The following CFAP157 variants were observed in gnomAD, a reference collection of about 807,000 sequenced individuals.
CFAP157 encodes the protein cilia- and flagella-associated protein 157.
Under a neutral mutation model 57.8 loss-of-function variants are expected in CFAP157, and 43 were observed. That is an observed-to-expected ratio of 0.74 (90% CI 0.58 to 0.96). The LOEUF (loss-of-function observed/expected upper bound fraction) is 0.96, where lower values mean the gene tolerates loss of function less well. CFAP157 is among the 40% of genes least tolerant of loss of function. The pLI is 0.00. For missense variants in CFAP157, 606 were observed against 655.3 expected (o/e 0.92, Z 0.82); for synonymous variants, 267 against 269.0 (o/e 0.99, Z 0.07).
rs1017610892 is a variant in CFAP157 at position 127,714,292 on chromosome 9, A to G, written c.*387A>G. 1 of 1,613,950 alleles carries G rather than the reference A, an allele frequency of 6.2e-7. No homozygotes were observed. Among genetic ancestry groups the G allele is most frequent in the South Asian group, 1.1e-5 (1 of 91,078 alleles). ...GCAGCCTTGGCATTGCCTGTGGGAG[A>G]GCCAGAGAGGCCCAGGAAGCTTTGG... is the stretch of plus-strand genomic sequence containing the variant. On this transcript the variant is annotated 3_prime_UTR_variant, in exon 9 of 9. Coordinates refer to ENST00000373295, the MANE Select transcript of CFAP157 (RefSeq NM_001012502.3).
chr9:127,711,576 A>G (rs2131590269), intron 4 of CFAP157, 80 bp downstream of exon 4: 1 of 1,529,356 alleles, frequency 6.5e-7, no homozygotes. Context: ...GGGTAGAGTC[A>G]GGGGCAGTCA....
At chr9:127,712,915 G>A (rs763615745) in intron 7 of CFAP157, 40 bp downstream of exon 7, 8 of 1,594,228 alleles carry the variant, frequency 5.0e-6, no homozygotes, top group South Asian at 1.1e-5. Context: ...GGCAGCCACA[G>A]AGAGCAGGGC....
rs1842705869 is a variant in CFAP157, at chr9:127,709,029, C to T, written c.162-393C>T. ...ACAAACTCAGAGTTCCTTTATCCTTCTGAGCCTCAGTTTCCTCATCTGTCA... is the reference window on the plus strand; with the variant it reads ...ACAAACTCAGAGTTCCTTTATCCTTTTGAGCCTCAGTTTCCTCATCTGTCA... On this transcript the variant is annotated intron_variant, in intron 1 of 8. Transcript: ENST00000373295. This position sits in a 1 kb window ranked among gnomAD's most constrained non-coding sequence, Gnocchi z 4.7. Among the ~76,000 whole-genome samples, 1 of 152,218 alleles carries T rather than the reference C, an allele frequency of 6.6e-6. No homozygotes were observed.
Position 127,714,012 on chromosome 9 carries a change from A to C in CFAP157, c.*107A>C. ...CAGTCTAGAGGAGATTTGTATAAAA[A>C]GTAGATACCAAGGCTGGCGTGGCAG... On this transcript the variant is annotated 3_prime_UTR_variant, in exon 9 of 9. Transcript: ENST00000373295. The C allele has an allele frequency of 6.3e-7, 1 of 1,582,692 alleles. No individual in the cohort carries two copies. Among genetic ancestry groups the C allele is most frequent in the Non-Finnish European group, 8.7e-7 (1 of 1,153,572 alleles).
In CFAP157 at chr9:127,709,390, AC is replaced by A; in HGVS notation, c.162-28del. On this transcript the variant is annotated intron_variant, in intron 1 of 8. Transcript: ENST00000373295. The surrounding 1 kb of genome is among the most constrained non-coding windows in gnomAD (Gnocchi z 4.7). ...CCAGAGGCCTGGCTTGCCCAGCCTG[AC>A]CCCTGGACCACGGCTCTGCCCCTGC... 1 of 1,603,394 alleles carries A rather than the reference AC, an allele frequency of 6.2e-7. No homozygotes were observed. Among genetic ancestry groups the A allele is most frequent in the South Asian group, 1.1e-5 (1 of 90,056 alleles).
rs780174238 is a variant in CFAP157 at position 127,711,450 on chromosome 9, A to C, written c.809A>C (p.Glu270Ala). The C allele has an allele frequency of 1.9e-5, 31 of 1,614,034 alleles. No individual in the cohort carries two copies. In the African/African-American group the frequency reaches 3.6e-4, roughly 19 times the overall value. Reference sequence around the variant, plus strand: ...CTGTGCAAACAGCTGGAGCTGCTGGAGAACACCCAGAAGGTCATGGCCAGG... The same window carrying C: ...CTGTGCAAACAGCTGGAGCTGCTGGCGAACACCCAGAAGGTCATGGCCAGG... ...NNLCKQLELL[E>A]NTQKVMARHK... The change falls in exon 4 of 9, where the codon GAG becomes GCG. Residue 270 changes from glutamate to alanine, a missense_variant. Glu to Ala is a moderately radical substitution (Grantham distance 107). Transcript: ENST00000373295.
chr9:127,710,562 G>A (rs894848826), intron 2 of CFAP157, 39 bp from the exon 3 acceptor site: 1 of 1,558,334 alleles, frequency 6.4e-7, no homozygotes, highest in Admixed American at 1.9e-5. Flanking sequence ...TGTCCTCTGA[G>A]GCAGCCCATC....
At position 127,713,136 on chromosome 9, in the gene CFAP157, A is replaced by AC; in HGVS notation, c.1426dup (p.Gln476ProfsTer22). On this transcript the variant is annotated frameshift_variant, in exon 8 of 9. Transcript: ENST00000373295. LOFTEE classifies it high-confidence loss of function. The stretch of plus-strand genomic sequence containing the variant: ...CCTCGCCAGGTCCACATCCCACCCA[A>AC]CCCCCAGGACCTCAGGCTGCTGTCA... 1 of 1,609,706 alleles carries AC rather than the reference A, an allele frequency of 6.2e-7. No individual in the cohort carries two copies. The highest frequency in any genetic ancestry group is 1.1e-5 in the South Asian group (1 of 90,600).
chr9:127,709,505 A>G lies in CFAP157; in HGVS notation c.245A>G (p.Glu82Gly). 1 of 1,614,098 alleles carries G rather than the reference A, an allele frequency of 6.2e-7. No homozygotes were observed. The highest frequency in any genetic ancestry group is 8.5e-7 in the Non-Finnish European group (1 of 1,180,036). Residue 82 changes from glutamate to glycine, a missense_variant, in exon 2 of 9, where the codon GAG becomes GGG. Coordinates refer to ENST00000373295, the MANE Select transcript of CFAP157 (RefSeq NM_001012502.3). The surrounding 1 kb of genome is among the most constrained non-coding windows in gnomAD (Gnocchi z 4.7). ...EFEQLANNKK[E>G]IVAFLKRTLN... ...GAGCAGCTGGCCAATAACAAGAAGG[A>G]GATTGTGGCCTTCCTCAAGCGCACG...
chr9:127,711,095 T>C (rs1468907986), intron 3 of CFAP157, 134 bp from the exon 4 acceptor site: 6 of 1,144,340 alleles, frequency 5.2e-6, no homozygotes, highest in Non-Finnish European at 6.1e-6. Context: ...CTCCCACCCA[T>C]AGCCCCAACC....
In CFAP157 at chr9:127,715,792, G is replaced by A; in HGVS notation, c.*1887G>A. On this transcript the variant is annotated 3_prime_UTR_variant, in exon 9 of 9. Coordinates refer to ENST00000373295, the MANE Select transcript of CFAP157 (RefSeq NM_001012502.3). The surrounding 1 kb of genome is among the most constrained non-coding windows in gnomAD (Gnocchi z 5.8). Reference sequence around the variant, plus strand: ...TGAGGGGCGGAAGCGGCGAGGCGGTGGCCGAGTCCGGGAACCCAGGCGCCT... The same window carrying A: ...TGAGGGGCGGAAGCGGCGAGGCGGTAGCCGAGTCCGGGAACCCAGGCGCCT... The A allele has an allele frequency of 6.9e-7, 1 of 1,446,288 alleles. No individual in the cohort carries two copies. Among genetic ancestry groups the A allele is most frequent in the Non-Finnish European group, 9.2e-7 (1 of 1,084,378 alleles). 89.6% of individuals were successfully genotyped at this position (1,446,288 alleles called of 1,614,324 possible).
At chr9:127,710,294 A>AC (rs1170683095) in intron 2 of CFAP157, among the ~76,000 whole-genome samples, 30 of 151,228 alleles carry the variant, frequency 2.0e-4, no homozygotes, top group African/African-American at 6.6e-4. Context: ...AAAAAAAAAA[A>AC]AAAAACAAAA....
chr9:127,712,653 C>T (rs73600054), intron 6 of CFAP157, 56 bp from the exon 7 acceptor site: 24 of 1,613,376 alleles, frequency 1.5e-5, no homozygotes, highest in East Asian at 1.1e-4. Flanking sequence ...ATTTCCTGGA[C>T]GAGGGTGGGT....
Position 127,709,566 on chromosome 9 carries a change from C to T in CFAP157, c.306C>T (p.Asn102=), listed in dbSNP as rs61738563. The part of the protein sequence containing the change: ...NQQVDEITDL[N]EQLQNLQLAK... Reference sequence around the variant, plus strand: ...AGGTGGATGAGATCACAGACCTCAACGAGCAGCTCCAGAACTTGCAGCTAG... The same window carrying T: ...AGGTGGATGAGATCACAGACCTCAATGAGCAGCTCCAGAACTTGCAGCTAG... The change falls in exon 2 of 9, where the codon AAC becomes AAT. Residue 102 remains asparagine, a synonymous_variant. Coordinates refer to ENST00000373295, the MANE Select transcript of CFAP157 (RefSeq NM_001012502.3). This position sits in a 1 kb window ranked among gnomAD's most constrained non-coding sequence, Gnocchi z 4.7. 2,031 of 1,614,100 alleles carry T rather than the reference C, an allele frequency of 1.3e-3. 21 individuals carry two copies. In the African/African-American group the frequency reaches 0.024, roughly 19 times the overall value.
intron 2 of CFAP157, among the ~76,000 whole-genome samples, chr9:127,710,242 C>CACT (rs1842731394): frequency 6.8e-6 from 1 of 148,134 alleles, no homozygotes; most frequent in Admixed American, 6.8e-5. Flanking sequence ...GTGACTGTGC[C>CACT]ACTGCACTCC....
At position 127,715,289 on chromosome 9, in the gene CFAP157, C is replaced by G; in HGVS notation, c.*1384C>G. ...GCCCCAACGCAGAGGAGCGGAAACG[C>G]AGAGCAACGCTGCAGTGGGGAAGGG... is the stretch of plus-strand genomic sequence containing the variant. On this transcript the variant is annotated 3_prime_UTR_variant, in exon 9 of 9. Transcript: ENST00000373295. The surrounding 1 kb of genome is among the most constrained non-coding windows in gnomAD (Gnocchi z 5.8). The G allele has an allele frequency of 7.2e-7, 1 of 1,393,088 alleles. No individual in the cohort carries two copies. Among genetic ancestry groups the G allele is most frequent in the Non-Finnish European group, 9.8e-7 (1 of 1,016,474 alleles). The allele number at this position is 1,393,088 out of a possible 1,614,324, so 86.3% of individuals were successfully genotyped here.
Position 127,714,918 on chromosome 9 carries a change from G to GGGGGGGGGGCCCCCCCCCCC in CFAP157, c.*1013_*1014insGGGGGGGGGCCCCCCCCCCC. 1 of 398,848 alleles carries GGGGGGGGGGCCCCCCCCCCC rather than the reference G, an allele frequency of 2.5e-6. No individual in the cohort carries two copies. The allele number at this position is 398,848 out of a possible 1,614,324, so 24.7% of individuals were successfully genotyped here. On this transcript the variant is annotated 3_prime_UTR_variant, in exon 9 of 9. Coordinates refer to ENST00000373295, the MANE Select transcript of CFAP157 (RefSeq NM_001012502.3). ...CAGCCAGTGCTCCCCTCTGGCCCCC[G>GGGGGGGGGGCCCCCCCCCCC]CGCCCCAACCCCCACCCCCTTGGCC...
chr9:127,709,472 A>G lies in CFAP157; in HGVS notation c.212A>G (p.Gln71Arg). Residue 71 changes from glutamine to arginine, a missense_variant, in exon 2 of 9, where the codon CAG (glutamine) becomes CGG (arginine). Coordinates refer to ENST00000373295, the MANE Select transcript of CFAP157 (RefSeq NM_001012502.3). The surrounding 1 kb of genome is among the most constrained non-coding windows in gnomAD (Gnocchi z 4.7). ...GCTGTGCAGGAGAAGATGTTCCGCC[A>G]GGAGTTTGAGCAGCTGGCCAATAAC... ...ELAVQEKMFR[Q>R]EFEQLANNKK... 6.2e-7 allele frequency: 1 copy of G among 1,614,024 alleles called. No individual in the cohort carries two copies. The highest frequency in any genetic ancestry group is 8.5e-7 in the Non-Finnish European group (1 of 1,180,024).
chr9:127,707,669 C>T (rs1331211387), intron 1 of CFAP157, among the ~76,000 whole-genome samples: 2 of 152,202 alleles, frequency 1.3e-5, no homozygotes, highest in African/African-American at 2.4e-5. Flanking sequence ...AAGGTTGATT[C>T]CCCCTCCATG....
Sources: gnomAD v4.1 joint callset for allele counts (sites outside exome capture counted in the v4.1 genomes callset) on GRCh38, gnomAD v4.1.1 for gene constraint, Gnocchi (gnomAD v3.1) non-coding constraint, MANE v1.5 for transcripts, NCBI Gene and HGNC (gene_info 2026-07-23, HGNC 2026-07-21) for gene names.